Variants in TMCC1 observed in about 807,000 individuals in gnomAD.
TMCC1 encodes the protein transmembrane and coiled-coil domain family 1, also known as transmembrane and coiled-coil domains protein 1.
A neutral mutation model predicts 52.4 loss-of-function variants in TMCC1; 15 were observed. The ratio of observed to expected loss-of-function variants is 0.29; its 90% CI spans 0.19 to 0.44. TMCC1 has a LOEUF of 0.44. Ranked by LOEUF, TMCC1 falls within the 20% of genes least tolerant of loss-of-function variation. The pLI is 1.00. For synonymous variants in TMCC1, 279 were observed against 301.9 expected (o/e 0.92, Z 0.79); for missense variants, 503 against 806.0 (o/e 0.62, Z 4.55).
At chr3:129,788,474 A>AT (rs985098953) in intron 4 of TMCC1, among the ~76,000 whole-genome samples, 8 of 151,548 alleles carry the variant, frequency 5.3e-5, no homozygotes, top group African/African-American at 1.7e-4. Flanking sequence ...TTTATTTTTT[A>AT]TTTTTTTAGA....
At chr3:129,855,149 A>T (rs1019112824) in intron 2 of TMCC1, among the ~76,000 whole-genome samples, 1 of 152,232 alleles carries the variant, frequency 6.6e-6, no homozygotes, top group East Asian at 1.9e-4. Flanking sequence ...AAGTTTACTT[A>T]TGACAGGCCT....
chr3:129,735,257 A>G (rs926390541), intron 4 of TMCC1, among the ~76,000 whole-genome samples: 2 of 152,214 alleles, frequency 1.3e-5, no homozygotes, highest in Non-Finnish European at 2.9e-5. Context: ...ATGAGAACAT[A>G]TATACATTAC....
At chr3:129,690,277 A>G (rs2046932122) in intron 4 of TMCC1, among the ~76,000 whole-genome samples, 1 of 152,190 alleles carries the variant, frequency 6.6e-6, no homozygotes, top group African/African-American at 2.4e-5. Context: ...CCATAGTAAT[A>G]TATCTGATGT....
At chr3:129,723,086 T>G (rs2049760712) in intron 4 of TMCC1, among the ~76,000 whole-genome samples, 1 of 152,114 alleles carries the variant, frequency 6.6e-6, no homozygotes. Flanking sequence ...TAAGATCAAC[T>G]AAAAAATGGC....
Position 129,829,776 on chromosome 3 carries a change from A to G in TMCC1, c.-130-1268T>C, listed in dbSNP as rs150224602. Among the ~76,000 whole-genome samples the G allele has an allele frequency of 1.1e-4, 17 of 152,344 alleles. No individual in the cohort carries two copies. The East Asian group carries it at 3.3e-3, about 29-fold the overall frequency. On this transcript the variant is annotated intron_variant, in intron 3 of 6. Coordinates refer to ENST00000393238, the MANE Select transcript of TMCC1 (RefSeq NM_001017395.5). ...CAAGTGGCAATCTAGAAAGCCATAAATTAGCTGAATAAAAGAGTTCCCTGT... is the reference window on the plus strand; with the variant it reads ...CAAGTGGCAATCTAGAAAGCCATAAGTTAGCTGAATAAAAGAGTTCCCTGT...
intron 4 of TMCC1, among the ~76,000 whole-genome samples, chr3:129,814,297 GT>G (rs1192444300): frequency 6.6e-6 from 1 of 151,988 alleles, no homozygotes; most frequent in Non-Finnish European, 1.5e-5. Flanking sequence ...CAGAATCTTT[GT>G]TTCTAATCTT....
At chr3:129,863,134 G>A (rs1233664058) in intron 2 of TMCC1, among the ~76,000 whole-genome samples, 1 of 152,152 alleles carries the variant, frequency 6.6e-6, no homozygotes, top group African/African-American at 2.4e-5. Context: ...GGATAAAAAT[G>A]TCCTATACCT....
intron 4 of TMCC1, among the ~76,000 whole-genome samples, chr3:129,815,322 T>C (rs1213955532): frequency 6.6e-6 from 1 of 151,804 alleles, no homozygotes; most frequent in African/African-American, 2.4e-5. Flanking sequence ...AAGAACAAAA[T>C]GGGAGGTATC....
At chr3:129,826,088 A>C (rs930638910) in intron 4 of TMCC1, among the ~76,000 whole-genome samples, 2 of 152,130 alleles carry the variant, frequency 1.3e-5, no homozygotes, top group African/African-American at 4.8e-5. Context: ...ACTAGCTGTA[A>C]ATTCCTTAAT....
chr3:129,700,789 AT>A (rs1182645991), intron 4 of TMCC1, among the ~76,000 whole-genome samples: 4 of 152,022 alleles, frequency 2.6e-5, no homozygotes, highest in South Asian at 4.1e-4. Context: ...AAAAAAAAAA[AT>A]CTCTTTATTA....
intron 4 of TMCC1, among the ~76,000 whole-genome samples, chr3:129,676,577 A>G (rs6439192): frequency 0.014 from 2,167 of 152,266 alleles, 52 homozygotes; most frequent in African/African-American, 0.049. Flanking sequence ...AGAGCGCAGC[A>G]TTTAACTTAG....
At chr3:129,847,925 CT>C (rs1442458631) in intron 2 of TMCC1, 1 of 152,158 alleles carries the variant, frequency 6.6e-6, no homozygotes, top group African/African-American at 2.4e-5. Flanking sequence ...TGACTTACGA[CT>C]TTGGGCATCT....
At chr3:129,807,165 ATTC>A (rs1433791486) in intron 4 of TMCC1, among the ~76,000 whole-genome samples, 1 of 152,288 alleles carries the variant, frequency 6.6e-6, no homozygotes, top group South Asian at 2.1e-4. Context: ...ATTTGTAGTA[ATTC>A]TTCTTTTAGA....
chr3:129,827,996 G>A lies in TMCC1; in HGVS notation c.383C>T (p.Pro128Leu), dbSNP rs769590692. 1.2e-6 allele frequency: 2 copies of A among 1,613,980 alleles called. No individual in the cohort carries two copies. The highest frequency in any genetic ancestry group is 1.7e-6 in the Non-Finnish European group (2 of 1,180,004). The stretch of plus-strand genomic sequence containing the variant: ...TTGGGGACTTCCCTTTGGGGCCTCT[G>A]GCTTGCCCCGCCTACTATGCAAGCT... ...GTSLHSRRGK[P>L]EAPKGSPQIN... The change falls in exon 4 of 7, where the codon CCA (proline) becomes CTA (leucine). Residue 128 changes from proline to leucine, a missense_variant. By Grantham distance (98) the Pro-to-Leu change is moderately conservative. This residue lies in a region of TMCC1 where 217 missense variants were observed against 297.9 expected (regional missense o/e 0.73). Coordinates refer to ENST00000393238, the MANE Select transcript of TMCC1 (RefSeq NM_001017395.5).
intron 4 of TMCC1, among the ~76,000 whole-genome samples, chr3:129,672,776 T>C (rs2088065165): frequency 6.6e-6 from 1 of 152,180 alleles, no homozygotes. Flanking sequence ...AAGAACTATA[T>C]ACAAGATCAC....
chr3:129,689,355 G>A (rs1178142361), intron 4 of TMCC1, among the ~76,000 whole-genome samples: 2 of 152,212 alleles, frequency 1.3e-5, no homozygotes, highest in African/African-American at 2.4e-5. Context: ...ATTTAGGCAA[G>A]TTATCAGATC....
chr3:129,651,820 T>TA lies in TMCC1; in HGVS notation c.1648-26dup. On this transcript the variant is annotated intron_variant, in intron 6 of 6. Coordinates refer to ENST00000393238, the MANE Select transcript of TMCC1 (RefSeq NM_001017395.5). This position sits in a 1 kb window ranked among gnomAD's most constrained non-coding sequence, Gnocchi z 5.1. Reference sequence around the variant, plus strand: ...CCTGTGGGCCAGAACAGGGAAGAGTTAAGCCTTCTGCTCACAAGTATTCTG... The same window carrying TA: ...CCTGTGGGCCAGAACAGGGAAGAGTTAAAGCCTTCTGCTCACAAGTATTCTG... 6.3e-7 allele frequency: 1 copy of TA among 1,598,440 alleles called. No individual in the cohort carries two copies. Among genetic ancestry groups the TA allele is most frequent in the East Asian group, 2.2e-5 (1 of 44,710 alleles).
chr3:129,755,972 C>T (rs367662714), intron 4 of TMCC1, among the ~76,000 whole-genome samples: 1 of 152,040 alleles, frequency 6.6e-6, no homozygotes, highest in Non-Finnish European at 1.5e-5. Flanking sequence ...GTGGTGGGCA[C>T]CTTTAATCCC....
intron 2 of TMCC1, among the ~76,000 whole-genome samples, chr3:129,856,797 G>T (rs1445961547): frequency 6.6e-6 from 1 of 152,024 alleles, no homozygotes; most frequent in Admixed American, 6.5e-5. Flanking sequence ...TCTAAGTCAA[G>T]AAATTCTTTT....
Sources: gnomAD v4.1 joint callset for allele counts (sites outside exome capture counted in the v4.1 genomes callset) on GRCh38, gnomAD v4.1.1 for gene constraint, gnomAD v4.1.1 regional missense constraint, Gnocchi (gnomAD v3.1) non-coding constraint, MANE v1.5 for transcripts, NCBI Gene and HGNC (gene_info 2026-07-23, HGNC 2026-07-21) for gene names.